SLC9A4: variants seen among roughly 807,000 people sequenced by gnomAD.
SLC9A4 encodes sodium/hydrogen exchanger 4.
A neutral mutation model predicts 67.4 loss-of-function variants in SLC9A4; 63 were observed. The observed-to-expected ratio is 0.93, with a 90% CI of 0.76 to 1.15. The LOEUF is 1.15. Among genes scored for constraint, SLC9A4 ranks in the 50% most tolerant of loss-of-function variants. The pLI is 0.00. For missense variants in SLC9A4, 1,089 were observed against 987.7 expected, an observed-to-expected ratio of 1.10 and a Z score of -1.38; for synonymous variants, 393 against 367.2, an observed-to-expected ratio of 1.07 and a Z score of -0.80.
At chr2:102,508,813 A>C (rs768600161) in intron 5 of SLC9A4, 34 bp from the exon 6 acceptor site, 72 of 1,567,044 alleles carry the variant, frequency 4.6e-5, no homozygotes, top group Non-Finnish European at 6.1e-5. Context: ...TCTTCATTAC[A>C]ACAAAACCCT....
rs562881396 is a variant in SLC9A4 at position 102,493,426 on chromosome 2, G to T, written c.721-10022G>T. Among the ~76,000 whole-genome samples the T allele has an allele frequency of 1.2e-3, 184 of 151,928 alleles. 7 individuals are homozygous for T. The highest frequency in any genetic ancestry group is 4.3e-3 in the African/African-American group (176 of 41,228). On this transcript the variant is annotated intron_variant, in intron 2 of 11. Transcript: ENST00000295269. ...GGAGGCCTCACAATTATGGCAGAAG[G>T]CAAAGGAGGAACAAAGTCACGTCTT...
intron 2 of SLC9A4, among the ~76,000 whole-genome samples, chr2:102,498,198 A>G (rs1237857923): frequency 6.6e-6 from 1 of 152,240 alleles, no homozygotes; most frequent in Non-Finnish European, 1.5e-5. Context: ...AATCTTTTGC[A>G]ACTATAATGT....
intron 2 of SLC9A4, among the ~76,000 whole-genome samples, chr2:102,480,576 A>G (rs1684439862): frequency 6.6e-6 from 1 of 152,190 alleles, no homozygotes; most frequent in Non-Finnish European, 1.5e-5. Context: ...CATTCTTACA[A>G]GCAATGTTGA....
At chr2:102,504,650 A>G (rs1198066532) in intron 3 of SLC9A4, among the ~76,000 whole-genome samples, 1 of 152,246 alleles carries the variant, frequency 6.6e-6, no homozygotes, top group Non-Finnish European at 1.5e-5. Context: ...TTTATTGTAG[A>G]GAAATACCTC....
chr2:102,483,542 G>T (rs1192281312), intron 2 of SLC9A4, among the ~76,000 whole-genome samples: 1 of 152,068 alleles, frequency 6.6e-6, no homozygotes, highest in African/African-American at 2.4e-5. Flanking sequence ...AAGAGAAGGG[G>T]TTGCTCCCAA....
chr2:102,517,691 T>G (rs1464316300), intron 8 of SLC9A4, among the ~76,000 whole-genome samples: 1 of 152,184 alleles, frequency 6.6e-6, no homozygotes, highest in Non-Finnish European at 1.5e-5. Flanking sequence ...TATCAAATTA[T>G]CACATACACC....
intron 9 of SLC9A4, among the ~76,000 whole-genome samples, chr2:102,521,874 A>T (rs1233683954): frequency 1.3e-5 from 2 of 152,172 alleles, no homozygotes; most frequent in African/African-American, 4.8e-5. Context: ...CAGGACCAGG[A>T]TGAATGCAGA....
At chr2:102,519,293 C>T (rs1316415923) in intron 8 of SLC9A4, among the ~76,000 whole-genome samples, 1 of 152,114 alleles carries the variant, frequency 6.6e-6, no homozygotes, top group Non-Finnish European at 1.5e-5. Context: ...AGATAAAATC[C>T]CTACAGATAC....
chr2:102,512,396 C>T (rs1198542748), intron 7 of SLC9A4, 123 bp downstream of exon 7: 3 of 1,008,526 alleles, frequency 3.0e-6, no homozygotes, highest in African/African-American at 1.6e-5. Flanking sequence ...TGAGCCATCC[C>T]CTACAGGAAG....
chr2:102,529,851 G>A lies in SLC9A4; in HGVS notation c.2039-2479G>A, dbSNP rs144210483. On this transcript the variant is annotated intron_variant, in intron 11 of 11. Transcript: ENST00000295269. ...CTTGGAGCTCCATGCTGGTTTGGGG[G>A]ACTTCACATGCTTTTCCAGGGCTCT... is the stretch of plus-strand genomic sequence containing the variant. Among the ~76,000 whole-genome samples, 1,247 of 152,258 alleles carry A rather than the reference G, an allele frequency of 8.2e-3. 39 individuals are homozygous for A. Among genetic ancestry groups the A allele is most frequent in the Admixed American group, 0.057 (868 of 15,298 alleles).
At chr2:102,485,795 C>G (rs1414981555) in intron 2 of SLC9A4, among the ~76,000 whole-genome samples, 1 of 152,214 alleles carries the variant, frequency 6.6e-6, no homozygotes. Flanking sequence ...TTCCTCAAGC[C>G]CCCAAGAGGG....
At chr2:102,491,795 A>G (rs1684708057) in intron 2 of SLC9A4, among the ~76,000 whole-genome samples, 1 of 152,172 alleles carries the variant, frequency 6.6e-6, no homozygotes, top group Non-Finnish European at 1.5e-5. Context: ...TTCAGCATTA[A>G]CTCAGAAGTC....
At chr2:102,518,174 TTAAC>T (rs1685315130) in intron 8 of SLC9A4, among the ~76,000 whole-genome samples, 1 of 152,216 alleles carries the variant, frequency 6.6e-6, no homozygotes, top group South Asian at 2.1e-4. Context: ...TGAATGGATT[TTAAC>T]TAAGTTCGTC....
intron 9 of SLC9A4, 30 bp downstream of exon 9, chr2:102,519,985 T>A: frequency 1.3e-6 from 2 of 1,597,390 alleles, no homozygotes; most frequent in Non-Finnish European, 1.7e-6. Flanking sequence ...GTTGTCCCCA[T>A]TTTCTGTCCT....
intron 2 of SLC9A4, among the ~76,000 whole-genome samples, chr2:102,480,477 C>T (rs11892768): frequency 0.028 from 4,190 of 151,956 alleles, 171 homozygotes; most frequent in East Asian, 0.089. Flanking sequence ...GTGTTTTCAG[C>T]TATTGCATAG....
rs572960497 is a variant in SLC9A4, at chr2:102,482,446, G to A, written c.720+3144G>A. Among the ~76,000 whole-genome samples, 5 of 152,304 alleles carry A rather than the reference G, an allele frequency of 3.3e-5. No homozygotes were observed. In the East Asian group the frequency reaches 5.8e-4, roughly 18 times the overall value. ...AAGGACCTTATCCATCTCCCCAGAC[G>A]ACACTGGACTAGTCTCTGAGATCCC... On this transcript the variant is annotated intron_variant, in intron 2 of 11. Coordinates refer to ENST00000295269, the MANE Select transcript of SLC9A4 (RefSeq NM_001011552.4).
At chr2:102,495,810 G>A (rs1437551545) in intron 2 of SLC9A4, among the ~76,000 whole-genome samples, 1 of 152,066 alleles carries the variant, frequency 6.6e-6, no homozygotes, top group African/African-American at 2.4e-5. Context: ...TGGTATCCAT[G>A]TGGAAAACAT....
At chr2:102,490,040 T>C (rs1000668041) in intron 2 of SLC9A4, among the ~76,000 whole-genome samples, 1 of 152,192 alleles carries the variant, frequency 6.6e-6, no homozygotes, top group Admixed American at 6.5e-5. Context: ...TTCCATTATT[T>C]GGCATGCAGG....
chr2:102,496,963 T>A (rs147937699), intron 2 of SLC9A4, among the ~76,000 whole-genome samples: 2,669 of 152,356 alleles, frequency 0.018, 57 homozygotes, highest in Non-Finnish European at 0.022. Flanking sequence ...TCTCACTGTG[T>A]TGCCCAGGCT....
Sources: gnomAD v4.1 joint callset for allele counts (sites outside exome capture counted in the v4.1 genomes callset) on GRCh38, gnomAD v4.1.1 for gene constraint, MANE v1.5 for transcripts, NCBI Gene and HGNC (gene_info 2026-07-23, HGNC 2026-07-21) for gene names.